The following MS4A10 variants were observed in gnomAD, a reference collection of about 807,000 sequenced individuals.
The protein encoded by MS4A10 is membrane-spanning 4-domains subfamily A member 10.
Under a neutral mutation model 27.7 loss-of-function variants are expected in MS4A10, and 27 were observed. That is an observed-to-expected ratio of 0.98 (90% confidence interval 0.72 to 1.35). The LOEUF (loss-of-function observed/expected upper bound fraction) is 1.35, where lower values mean the gene tolerates loss of function less well. Among genes scored for constraint, MS4A10 ranks in the 40% most tolerant of loss-of-function variants. The pLI is 0.00. For synonymous variants in MS4A10, 139 were observed against 131.2 expected, an observed-to-expected ratio of 1.06 and a Z score of -0.41; for missense variants, 338 against 324.7, an observed-to-expected ratio of 1.04 and a Z score of -0.32.
intron 1 of MS4A10, among the ~76,000 whole-genome samples, chr11:60,787,183 G>T (rs555578851): frequency 2.6e-5 from 4 of 152,250 alleles, no homozygotes; most frequent in East Asian, 3.9e-4. Flanking sequence ...TACCAAGCTG[G>T]CTGGGTCCGT....
In MS4A10 at chr11:60,791,025, G is replaced by T. The variant is rs766472691; in HGVS notation, c.235G>T (p.Ala79Ser). 2 of 1,614,164 alleles carry T rather than the reference G, an allele frequency of 1.2e-6. No homozygotes were observed. The highest frequency in any genetic ancestry group is 1.1e-5 in the South Asian group (1 of 91,076). The change falls in exon 3 of 8, where the codon GCC becomes TCC. Residue 79 changes from alanine (A) to serine (S), a missense_variant. Coordinates refer to ENST00000308287, the MANE Select transcript of MS4A10 (RefSeq NM_206893.4). ...GCACCTGGTCTTTGGGGGCTACCTG[G>T]CCTCTATAGTCAAGAACCTTCACCT... ...LLHLVFGGYLASIVKNLHLVV... is the reference protein window; with the variant it reads ...LLHLVFGGYLSSIVKNLHLVV...
intron 1 of MS4A10, among the ~76,000 whole-genome samples, chr11:60,787,949 G>A (rs1428299404): frequency 3.9e-5 from 6 of 152,024 alleles, no homozygotes; most frequent in African/African-American, 9.7e-5. Flanking sequence ...CCCGGGAGGC[G>A]GAGGTTGCGG....
intron 4 of MS4A10, among the ~76,000 whole-genome samples, chr11:60,792,701 TCTC>T (rs1479153311): frequency 6.6e-6 from 1 of 152,122 alleles, no homozygotes; most frequent in Non-Finnish European, 1.5e-5. Flanking sequence ...TGCATCTACT[TCTC>T]CTCTCTAAGA....
In MS4A10 at chr11:60,794,037, C is replaced by T. The variant is rs757961165; in HGVS notation, c.426C>T (p.Ile142=). 3 of 1,614,202 alleles carry T rather than the reference C, an allele frequency of 1.9e-6. No individual in the cohort carries two copies. The highest frequency in any genetic ancestry group is 2.5e-6 in the Non-Finnish European group (3 of 1,180,032). ...GCGTGCTGTCTGGCCTCTTCGTCAT[C>T]TCCAAGGATCTCTTTCTGGAGAGCC... is the stretch of plus-strand genomic sequence containing the variant. ...LFCVLSGLFV[I]SKDLFLESPF... is the part of the protein sequence containing the mutation. The change falls in exon 5 of 8, where the codon ATC becomes ATT. Residue 142 remains isoleucine, a synonymous_variant. Transcript: ENST00000308287.
chr11:60,787,740 G>A (rs765077727), intron 1 of MS4A10, among the ~76,000 whole-genome samples: 10 of 152,130 alleles, frequency 6.6e-5, no homozygotes, highest in East Asian at 5.8e-4. Context: ...ATGGCCAGCC[G>A]GGCGCAGTGG....
At chr11:60,794,697 C>T (rs993605562) in intron 5 of MS4A10, among the ~76,000 whole-genome samples, 5 of 151,954 alleles carry the variant, frequency 3.3e-5, no homozygotes, top group Non-Finnish European at 7.4e-5. Context: ...GGCGGGGGAA[C>T]GGAGTCTCAC....
chr11:60,795,461 A>T, intron 5 of MS4A10, 94 bp from the exon 6 acceptor site: 1 of 713,520 alleles, frequency 1.4e-6, no homozygotes, highest in Admixed American at 3.9e-5. Context: ...TCTGCTGTGG[A>T]TCTTAGCAAG....
At chr11:60,799,151 A>G (rs534308600) in intron 7 of MS4A10, among the ~76,000 whole-genome samples, 1 of 152,278 alleles carries the variant, frequency 6.6e-6, no homozygotes, top group African/African-American at 2.4e-5. Context: ...TGGAGGTGCA[A>G]GGATGACATG....
intron 3 of MS4A10, among the ~76,000 whole-genome samples, chr11:60,791,489 T>A (rs1038522839): frequency 1.3e-5 from 2 of 152,138 alleles, no homozygotes; most frequent in African/African-American, 4.8e-5. Context: ...ACACAGGGTG[T>A]AAGGTGTGGC....
intron 6 of MS4A10, among the ~76,000 whole-genome samples, chr11:60,797,173 GCCAA>G (rs1179908032): frequency 1.3e-5 from 2 of 152,162 alleles, no homozygotes; most frequent in Non-Finnish European, 2.9e-5. Flanking sequence ...AGTCACTGAG[GCCAA>G]CCCCACTTTT....
intron 4 of MS4A10, 115 bp from the exon 5 acceptor site, chr11:60,793,857 G>A (rs1423642400): frequency 4.9e-6 from 6 of 1,220,206 alleles, no homozygotes; most frequent in African/African-American, 3.0e-5. Flanking sequence ...TGGGCCCAGT[G>A]ACAGGCAGAG....
chr11:60,795,556 T>G lies in MS4A10; in HGVS notation c.494T>G (p.Val165Gly), dbSNP rs1253783445. 3 of 1,544,926 alleles carry G rather than the reference T, an allele frequency of 1.9e-6. No individual in the cohort carries two copies. The highest frequency in any genetic ancestry group is 1.4e-5 in the African/African-American group (1 of 71,796). Residue 165 changes from valine (V) to glycine (G), a missense_variant and splice_region_variant, in exon 6 of 8, where the codon GTC becomes GGC. Transcript: ENST00000308287. ...CCTTCCTTCCCTCTACCCTCTCAGG[T>G]CCACATCCAGAGGCTGGAGCTGGCC... ...PIWRMYPNST[V>G]HIQRLELALL...
chr11:60,799,915 C>T lies in MS4A10; in HGVS notation c.*6C>T, dbSNP rs368751612. 1 of 1,614,198 alleles carries T rather than the reference C, an allele frequency of 6.2e-7. No individual in the cohort carries two copies. Among genetic ancestry groups the T allele is most frequent in the East Asian group, 2.2e-5 (1 of 44,890 alleles). On this transcript the variant is annotated 3_prime_UTR_variant, in exon 8 of 8. Transcript: ENST00000308287. ...GGACCCAGACTGCAAACTGAAGAGC[C>T]ACTGCCTGACAATGCCCAAACTTGG...
chr11:60,795,838 C>T lies in MS4A10; in HGVS notation c.603+173C>T, dbSNP rs185151426. Among the ~76,000 whole-genome samples, 1,100 of 152,170 alleles carry T rather than the reference C, an allele frequency of 7.2e-3. 24 individuals are homozygous for T. The highest frequency in any genetic ancestry group is 5.7e-3 in the Non-Finnish European group (389 of 67,992). ...ACGATCCAGTAGGGGAGCCAAGGCACGGGGGCAAGAGAGGAGGCCAATCCA... is the reference window on the plus strand; with the variant it reads ...ACGATCCAGTAGGGGAGCCAAGGCATGGGGGCAAGAGAGGAGGCCAATCCA... On this transcript the variant is annotated intron_variant, in intron 6 of 7. Coordinates refer to ENST00000308287, the MANE Select transcript of MS4A10 (RefSeq NM_206893.4).
At chr11:60,792,155 C>T in intron 3 of MS4A10, 110 bp from the exon 4 acceptor site, 4 of 833,514 alleles carry the variant, frequency 4.8e-6, no homozygotes, top group Non-Finnish European at 8.2e-6. Flanking sequence ...ATTCCCTGCC[C>T]CACTGGCCGC....
At chr11:60,798,589 A>G in intron 7 of MS4A10, 75 bp downstream of exon 7, 1 of 1,164,900 alleles carries the variant, frequency 8.6e-7, no homozygotes, top group Non-Finnish European at 1.3e-6. Flanking sequence ...ATAGATAGAA[A>G]CCAGTTCCCA....
At chr11:60,793,776 G>A (rs553928497) in intron 4 of MS4A10, among the ~76,000 whole-genome samples, 196 bp from the exon 5 acceptor site, 1 of 152,310 alleles carries the variant, frequency 6.6e-6, no homozygotes, top group South Asian at 2.1e-4. Flanking sequence ...CCTCCTCAGT[G>A]GTCACACAGG....
At chr11:60,792,391 G>A (rs1025563950) in intron 4 of MS4A10, 70 bp downstream of exon 4, 2 of 1,206,856 alleles carry the variant, frequency 1.7e-6, no homozygotes, top group Non-Finnish European at 2.5e-6. Context: ...GCATCTGTCT[G>A]TAGGGGTGAT....
At chr11:60,798,695 G>C (rs971196668) in intron 7 of MS4A10, among the ~76,000 whole-genome samples, 181 bp downstream of exon 7, 1 of 152,178 alleles carries the variant, frequency 6.6e-6, no homozygotes, top group African/African-American at 2.4e-5. Context: ...ATCCCCTCAG[G>C]CACTAGAGGA....
Sources: allele counts gnomAD v4.1 joint callset (sites outside exome capture counted in the v4.1 genomes callset), GRCh38; gene constraint gnomAD v4.1.1; transcripts MANE v1.5; gene names NCBI Gene and HGNC (gene_info 2026-07-23, HGNC 2026-07-21).